SPEN: variants seen among roughly 807,000 people sequenced by gnomAD.
SPEN encodes the protein spen family transcriptional repressor, also known as msx2-interacting protein.
In SPEN, 18 loss-of-function variants were observed where a neutral mutation model predicts 269.9. The ratio of observed to expected loss-of-function variants is 0.07; its 90% CI spans 0.05 to 0.10. SPEN has a LOEUF of 0.10. Among genes scored for constraint, SPEN ranks in the 10% least tolerant of loss-of-function variants. The probability of loss-of-function intolerance (pLI) is 1.00; values close to 1 mark genes in which losing one functional copy is unlikely to be tolerated. For synonymous variants in SPEN, 1,726 were observed against 1,765.7 expected (o/e 0.98, Z 0.56); for missense variants, 3,822 against 4,631.2 (o/e 0.83, Z 5.07).
Position 15,911,243 on chromosome 1 carries a change from A to G in SPEN, c.1185A>G (p.Ala395=). 1 of 1,614,162 alleles carries G rather than the reference A, an allele frequency of 6.2e-7. No homozygotes were observed. The highest frequency in any genetic ancestry group is 8.5e-7 in the Non-Finnish European group (1 of 1,180,022). ...QQEDQEKALT[A]SKGKLFFGMQ... ...AGGACCAAGAAAAAGCCTTGACTGC[A>G]TCAAAAGGAAAACTTTTCTTTGGCA... is the stretch of plus-strand genomic sequence containing the variant. Residue 395 remains alanine, a synonymous_variant, in exon 5 of 15, where the codon GCA becomes GCG. Transcript: ENST00000375759.
At chr1:15,871,847 TA>T (rs1460889540) in intron 1 of SPEN, among the ~76,000 whole-genome samples, 1 of 152,198 alleles carries the variant, frequency 6.6e-6, no homozygotes, top group East Asian at 1.9e-4. Context: ...GTTTTTATTT[TA>T]ATATAAGTTT....
At chr1:15,926,862 T>C (rs1378742783) in intron 10 of SPEN, among the ~76,000 whole-genome samples, 1 of 152,088 alleles carries the variant, frequency 6.6e-6, no homozygotes, top group African/African-American at 2.4e-5. Context: ...CCGCCTAATT[T>C]TTTCTATTTT....
At chr1:15,893,960 C>A (rs548705050) in intron 3 of SPEN, among the ~76,000 whole-genome samples, 28 of 152,202 alleles carry the variant, frequency 1.8e-4, no homozygotes, top group Admixed American at 1.8e-3. Context: ...TCACTTGAAC[C>A]CAGGAAATGG....
At chr1:15,863,060 C>T (rs992828222) in intron 1 of SPEN, among the ~76,000 whole-genome samples, 9 of 151,950 alleles carry the variant, frequency 5.9e-5, no homozygotes, top group East Asian at 1.9e-4. Context: ...CGCTCCCGGC[C>T]GAATCCCAGC....
chr1:15,866,860 A>C (rs182982010), intron 1 of SPEN, among the ~76,000 whole-genome samples: 2 of 152,286 alleles, frequency 1.3e-5, no homozygotes, highest in African/African-American at 4.8e-5. Context: ...TTATAGTAGG[A>C]TGTGGCATAC....
chr1:15,882,602 G>A (rs1329911564), intron 3 of SPEN, among the ~76,000 whole-genome samples: 2 of 152,204 alleles, frequency 1.3e-5, no homozygotes, highest in Non-Finnish European at 2.9e-5. Context: ...GGAGGTTGCA[G>A]TGAGCCAAGA....
In SPEN at chr1:15,933,765, C is replaced by G. The variant is rs761667751; in HGVS notation, c.7525C>G (p.Arg2509Gly). 2 of 1,613,990 alleles carry G rather than the reference C, an allele frequency of 1.2e-6. No individual in the cohort carries two copies. Among genetic ancestry groups the G allele is most frequent in the South Asian group, 1.1e-5 (1 of 91,080 alleles). ...TEWITRQEEP[R>G]AQSTPSPALP... ...GTGGATCACAAGGCAGGAGGAGCCACGGGCTCAGTCTACTCCATCTCCAGC... is the reference window on the plus strand; with the variant it reads ...GTGGATCACAAGGCAGGAGGAGCCAGGGGCTCAGTCTACTCCATCTCCAGC... Residue 2509 changes from arginine to glycine, a missense_variant, in exon 11 of 15, where the codon CGG (arginine) becomes GGG (glycine). Physicochemically the swap from Arg to Gly is moderately radical, Grantham distance 125. Around this residue, in one of 16 missense-constraint regions of SPEN, gnomAD observed 727 missense variants for 737.9 expected, o/e 0.99. Transcript: ENST00000375759. The surrounding 1 kb of genome is among the most constrained non-coding windows in gnomAD (Gnocchi z 5.7).
chr1:15,859,067 A>G (rs1190336070), intron 1 of SPEN, among the ~76,000 whole-genome samples: 3 of 152,094 alleles, frequency 2.0e-5, no homozygotes, highest in Non-Finnish European at 2.9e-5. Flanking sequence ...TCAGTCAAAC[A>G]TATCTCTCCT....
intron 5 of SPEN, 149 bp downstream of exon 5, chr1:15,911,450 G>T: frequency 1.4e-6 from 1 of 693,100 alleles, no homozygotes; most frequent in South Asian, 1.9e-5. Flanking sequence ...TTTAAAAGAT[G>T]GTTCTATTTA....
At chr1:15,849,634 G>A (rs994626705) in intron 1 of SPEN, among the ~76,000 whole-genome samples, 1 of 152,012 alleles carries the variant, frequency 6.6e-6, no homozygotes, top group African/African-American at 2.4e-5. Context: ...GGGGAGGCAG[G>A]GAGCAAAAAT....
rs747220001 is a variant in SPEN at position 15,920,898 on chromosome 1, C to T, written c.1664C>T (p.Ala555Val). 20 of 1,612,204 alleles carry T rather than the reference C, an allele frequency of 1.2e-5. No individual in the cohort carries two copies. The highest frequency in any genetic ancestry group is 1.5e-5 in the Non-Finnish European group (18 of 1,179,396). ...GTGTTTGACCGCTTAAAAGGCATGG[C>T]CCTGGTTCTCTACAATGAAATTGAA... is the stretch of plus-strand genomic sequence containing the variant. ...KVVFDRLKGM[A>V]LVLYNEIEYA... is the part of the protein sequence containing the mutation. The change falls in exon 9 of 15, where the codon GCC becomes GTC. Residue 555 changes from alanine to valine, a missense_variant. Around this residue, in one of 16 missense-constraint regions of SPEN, gnomAD observed 230 missense variants for 426.1 expected, o/e 0.54. Transcript: ENST00000375759.
intron 3 of SPEN, among the ~76,000 whole-genome samples, chr1:15,880,077 G>GT (rs1219979673): frequency 6.6e-6 from 1 of 152,058 alleles, no homozygotes; most frequent in Non-Finnish European, 1.5e-5. Context: ...GCTCTTGTAT[G>GT]TTTTTTTCCC....
rs1207148374 is a variant in SPEN at position 15,933,103 on chromosome 1, C to T, written c.6863C>T (p.Ala2288Val). ...GAATCTTCTAGGCCTCCAGTCAATGCTCCTGACCCCTCAGCCGGCCCAACA... is the reference window on the plus strand; with the variant it reads ...GAATCTTCTAGGCCTCCAGTCAATGTTCCTGACCCCTCAGCCGGCCCAACA... ...ATESSRPPVN[A>V]PDPSAGPTDT... The change falls in exon 11 of 15, where the codon GCT becomes GTT. Residue 2288 changes from alanine (A) to valine (V), a missense_variant. Transcript: ENST00000375759. The surrounding 1 kb of genome is among the most constrained non-coding windows in gnomAD (Gnocchi z 5.7). The T allele has an allele frequency of 6.2e-7, 1 of 1,614,200 alleles. No homozygotes were observed. The highest frequency in any genetic ancestry group is 1.7e-5 in the Admixed American group (1 of 60,024).
chr1:15,874,063 A>G (rs1314293724), intron 2 of SPEN: 2 of 1,308,214 alleles, frequency 1.5e-6, no homozygotes, highest in Non-Finnish European at 2.0e-6. Context: ...ATTGTAGAGG[A>G]TATTTCCTCT....
chr1:15,858,892 C>T (rs1020352369), intron 1 of SPEN, among the ~76,000 whole-genome samples: 6 of 151,976 alleles, frequency 3.9e-5, no homozygotes, highest in Non-Finnish European at 7.4e-5. Context: ...AGCAGTGAGC[C>T]GATACTGCGC....
chr1:15,868,273 T>G (rs2070537040), intron 1 of SPEN, among the ~76,000 whole-genome samples: 1 of 151,426 alleles, frequency 6.6e-6, no homozygotes. Context: ...TCCCAAAGCT[T>G]TGGGATTACA....
chr1:15,887,193 C>A (rs1006153303), intron 3 of SPEN, among the ~76,000 whole-genome samples: 3 of 150,974 alleles, frequency 2.0e-5, no homozygotes, highest in African/African-American at 7.3e-5. Flanking sequence ...CCAGGCTGGT[C>A]TTGAACTCCT....
chr1:15,880,632 T>G (rs1229254321), intron 3 of SPEN, among the ~76,000 whole-genome samples: 2 of 152,042 alleles, frequency 1.3e-5, no homozygotes, highest in Non-Finnish European at 2.9e-5. Context: ...TTTTTGTATT[T>G]TTTAGTAGAG....
chr1:15,855,733 A>G lies in SPEN; in HGVS notation c.83+7583A>G, dbSNP rs541671592. On this transcript the variant is annotated intron_variant, in intron 1 of 14. Transcript: ENST00000375759. ...AAAAAATTAGCCTGGCATGGTGGCA[A>G]GCACCTATAATCCCAGCTACTCGGG... Among the ~76,000 whole-genome samples the G allele has an allele frequency of 3.3e-5, 5 of 151,696 alleles. No homozygotes were observed. The South Asian group carries it at 1.0e-3, about 32-fold the overall frequency.
Sources: allele counts gnomAD v4.1 joint callset (sites outside exome capture counted in the v4.1 genomes callset), GRCh38; gene constraint gnomAD v4.1.1; regional missense constraint gnomAD v4.1.1; non-coding constraint Gnocchi (gnomAD v3.1); transcripts MANE v1.5; gene names NCBI Gene and HGNC (gene_info 2026-07-23, HGNC 2026-07-21).